Variants in SNX13 observed in about 807,000 individuals in gnomAD.
SNX13 encodes sorting nexin 13.
SNX13 carries 45 observed loss-of-function variants against 133.6 expected under a neutral mutation model. The observed-to-expected ratio is 0.34, with a 90% CI of 0.27 to 0.43. The LOEUF (loss-of-function observed/expected upper bound fraction) is 0.43, where lower values mean the gene tolerates loss of function less well. Ranked by LOEUF, SNX13 falls within the 20% of genes least tolerant of loss-of-function variation. The pLI, the probability that SNX13 is intolerant of heterozygous loss-of-function variation, is 1.00. For synonymous variants in SNX13, 414 were observed against 373.9 expected, an observed-to-expected ratio of 1.11 and a Z score of -1.24; for missense variants, 1,032 against 1,145.1, an observed-to-expected ratio of 0.90 and a Z score of 1.43.
intron 1 of SNX13, among the ~76,000 whole-genome samples, chr7:17,902,778 T>C (rs927739554): frequency 6.6e-5 from 10 of 152,190 alleles, no homozygotes; most frequent in Admixed American, 6.5e-4. Flanking sequence ...CATTAGGAAC[T>C]GGGCCGCACA....
At chr7:17,939,779 G>A (rs1452594274) in intron 1 of SNX13, among the ~76,000 whole-genome samples, 1 of 152,216 alleles carries the variant, frequency 6.6e-6, no homozygotes, top group Non-Finnish European at 1.5e-5. Flanking sequence ...AGATAAAAAA[G>A]TCCACTTCAT....
chr7:17,895,259 A>G (rs1339770105), intron 2 of SNX13, among the ~76,000 whole-genome samples: 1 of 152,220 alleles, frequency 6.6e-6, no homozygotes, highest in East Asian at 1.9e-4. Context: ...GTAATAATTT[A>G]AACTGTAGTT....
Position 17,842,841 on chromosome 7 carries a change from T to G in SNX13, c.1165+2754A>C, listed in dbSNP as rs147017881. The stretch of plus-strand genomic sequence containing the variant: ...TAAAGGAGCAAAGTTTTGAATACAT[T>G]TGAAATTAAGCTGGCATAATTTCAA... On this transcript the variant is annotated intron_variant, in intron 12 of 25. Coordinates refer to ENST00000428135, the MANE Select transcript of SNX13 (RefSeq NM_015132.5). Among the ~76,000 whole-genome samples, 15 of 152,158 alleles carry G rather than the reference T, an allele frequency of 9.9e-5. No homozygotes were observed. The East Asian group carries it at 2.9e-3, about 29-fold the overall frequency.
At chr7:17,827,172 T>A (rs923138354) in intron 16 of SNX13, among the ~76,000 whole-genome samples, 1 of 152,080 alleles carries the variant, frequency 6.6e-6, no homozygotes, top group South Asian at 2.1e-4. Flanking sequence ...TTTTGCTTTA[T>A]AACCTTTCAT....
At chr7:17,805,255 G>GTGTGTGTGCGCGCT (rs772458913) in intron 20 of SNX13, among the ~76,000 whole-genome samples, 1 of 86,764 alleles carries the variant, frequency 1.2e-5, no homozygotes, top group Non-Finnish European at 2.8e-5. Context: ...GTGTGTGCGT[G>GTGTGTGTGCGCGCT]CGCGCGCGCG....
At chr7:17,863,920 T>C (rs187142127) in intron 9 of SNX13, among the ~76,000 whole-genome samples, 2 of 152,320 alleles carry the variant, frequency 1.3e-5, no homozygotes, top group Non-Finnish European at 2.9e-5. Context: ...AAGTGCATCA[T>C]GGCAGTGTAT....
intron 15 of SNX13, among the ~76,000 whole-genome samples, chr7:17,833,361 G>C (rs76119315): frequency 0.039 from 5,851 of 151,608 alleles, 374 homozygotes; most frequent in African/African-American, 0.13. Flanking sequence ...AATGACTAAC[G>C]TAAGATATTA....
chr7:17,868,288 G>A (rs1396276103), intron 9 of SNX13, 119 bp downstream of exon 9: 27 of 743,296 alleles, frequency 3.6e-5, no homozygotes, highest in Non-Finnish European at 5.7e-5. Flanking sequence ...GATTACTTCA[G>A]AAACATTTTT....
chr7:17,806,318 A>G (rs1177823500), intron 20 of SNX13, among the ~76,000 whole-genome samples: 1 of 152,246 alleles, frequency 6.6e-6, no homozygotes, highest in East Asian at 1.9e-4. Flanking sequence ...AAGCTAGGAT[A>G]CATTGTGTGA....
At chr7:17,876,574 CAAAA>C (rs200148485) in intron 5 of SNX13, among the ~76,000 whole-genome samples, 1 of 120,810 alleles carries the variant, frequency 8.3e-6, no homozygotes, top group Non-Finnish European at 1.8e-5. Flanking sequence ...GCTATCTCAT[CAAAA>C]AAAAAAAAAA....
At chr7:17,852,863 T>C (rs1467526981) in intron 9 of SNX13, among the ~76,000 whole-genome samples, 1 of 152,202 alleles carries the variant, frequency 6.6e-6, no homozygotes, top group Admixed American at 6.5e-5. Context: ...GGATATTTCA[T>C]CCACAGTAAC....
Position 17,868,408 on chromosome 7 carries a change from A to C in SNX13, c.836T>G (p.Met279Arg). 1 of 1,595,930 alleles carries C rather than the reference A, an allele frequency of 6.3e-7. No homozygotes were observed. Among genetic ancestry groups the C allele is most frequent in the Non-Finnish European group, 8.5e-7 (1 of 1,169,850 alleles). ...GTTGTAATTTTAAAAGGCACCTACCATCCATATGACATACTGATTAATATA... is the reference window on the plus strand; with the variant it reads ...GTTGTAATTTTAAAAGGCACCTACCCTCCATATGACATACTGATTAATATA... ...PDYINQYVIW[M>R]IRDSNCNYEA... The change falls in exon 9 of 26, where the codon ATG becomes AGG. Residue 279 changes from methionine to arginine, a missense_variant and splice_region_variant. Transcript: ENST00000428135.
intron 20 of SNX13, among the ~76,000 whole-genome samples, chr7:17,805,773 A>C (rs1488781813): frequency 1.3e-5 from 2 of 152,212 alleles, no homozygotes; most frequent in Non-Finnish European, 2.9e-5. Context: ...TTCCTAATTA[A>C]AAATAGTTGT....
chr7:17,832,102 A>C, intron 15 of SNX13: 1 of 983,506 alleles, frequency 1.0e-6, no homozygotes, highest in Non-Finnish European at 1.2e-6. Context: ...ACAATCAATG[A>C]TTCAAATGTG....
intron 8 of SNX13, among the ~76,000 whole-genome samples, chr7:17,871,651 G>A (rs1317458293): frequency 1.3e-5 from 2 of 152,098 alleles, no homozygotes; most frequent in African/African-American, 2.4e-5. Flanking sequence ...CACTACATCT[G>A]ATGTTTCCTT....
chr7:17,800,247 T>C (rs1329367367), intron 22 of SNX13, among the ~76,000 whole-genome samples: 1 of 151,750 alleles, frequency 6.6e-6, no homozygotes, highest in African/African-American at 2.4e-5. Flanking sequence ...TAAAATAATC[T>C]TGAAAAACCA....
chr7:17,896,744 G>A lies in SNX13; in HGVS notation c.125+590C>T, dbSNP rs532358919. Among the ~76,000 whole-genome samples the A allele has an allele frequency of 3.3e-5, 5 of 152,112 alleles. No homozygotes were observed. The East Asian group carries it at 9.6e-4, about 29-fold the overall frequency. On this transcript the variant is annotated intron_variant, in intron 2 of 25. Coordinates refer to ENST00000428135, the MANE Select transcript of SNX13 (RefSeq NM_015132.5). The stretch of plus-strand genomic sequence containing the variant: ...TTTCTAATATTTCCTTGTAATTCGT[G>A]TCTGATACCAAATGCTCTGCATACA...
At chr7:17,812,889 A>G (rs574798549) in intron 20 of SNX13, among the ~76,000 whole-genome samples, 115 of 152,240 alleles carry the variant, frequency 7.6e-4, no homozygotes, top group African/African-American at 2.3e-3. Context: ...GGAAACTAAC[A>G]TAAGAACAGA....
chr7:17,830,366 TA>T (rs1255175689), intron 15 of SNX13: 1 of 984,282 alleles, frequency 1.0e-6, no homozygotes, highest in East Asian at 1.1e-4. Context: ...TAATACAATA[TA>T]AGCATGAGGA....
Sources: allele counts gnomAD v4.1 joint callset (sites outside exome capture counted in the v4.1 genomes callset), GRCh38; gene constraint gnomAD v4.1.1; transcripts MANE v1.5; gene names NCBI Gene and HGNC (gene_info 2026-07-23, HGNC 2026-07-21).